The following SDK1 variants were observed in gnomAD, a reference collection of about 807,000 sequenced individuals.
SDK1 encodes protein sidekick-1.
In SDK1, 157 loss-of-function variants were observed where a neutral mutation model predicts 245.5. The ratio of observed to expected loss-of-function variants is 0.64; its 90% CI spans 0.56 to 0.73. SDK1 has a LOEUF of 0.73. Ranked by LOEUF, SDK1 falls within the 30% of genes least tolerant of loss-of-function variation. The pLI is 0.00. For missense variants in SDK1, 3,583 were observed against 3,002.3 expected (o/e 1.19, Z -4.52); for synonymous variants, 1,647 against 1,278.5 (o/e 1.29, Z -6.15).
At chr7:3,804,396 C>T (rs1040413374) in intron 4 of SDK1, among the ~76,000 whole-genome samples, 1 of 152,110 alleles carries the variant, frequency 6.6e-6, no homozygotes, top group Non-Finnish European at 1.5e-5. Flanking sequence ...TCTTTTGGCC[C>T]TACTGTTACG....
chr7:3,419,463 C>A (rs372940843), intron 1 of SDK1, among the ~76,000 whole-genome samples: 2 of 152,312 alleles, frequency 1.3e-5, no homozygotes, highest in African/African-American at 4.8e-5. Flanking sequence ...CTCGGGGAAA[C>A]ATCAGCACAG....
intron 5 of SDK1, among the ~76,000 whole-genome samples, chr7:3,858,377 C>G (rs941746322): frequency 1.9e-4 from 29 of 151,936 alleles, no homozygotes; most frequent in African/African-American, 6.8e-4. Flanking sequence ...CATAGTGAGA[C>G]CCCATCTCAA....
intron 32 of SDK1, among the ~76,000 whole-genome samples, chr7:4,171,095 G>T (rs1781810940): frequency 6.6e-6 from 1 of 152,176 alleles, no homozygotes; most frequent in Admixed American, 6.5e-5. Context: ...TTCCTGGCAA[G>T]TTGAGTAGTG....
chr7:4,134,283 T>C (rs1778899401), intron 28 of SDK1, among the ~76,000 whole-genome samples: 2 of 152,226 alleles, frequency 1.3e-5, no homozygotes, highest in Non-Finnish European at 2.9e-5. Context: ...ACCTTTGGAA[T>C]TGCGGGTTCC....
At chr7:4,008,227 T>G (rs1785647135) in intron 14 of SDK1, among the ~76,000 whole-genome samples, 1 of 152,234 alleles carries the variant, frequency 6.6e-6, no homozygotes, top group African/African-American at 2.4e-5. Context: ...ATTTCCTTCC[T>G]TTAAGAAGCT....
At chr7:3,955,768 TG>T (rs1217735566) in intron 7 of SDK1, among the ~76,000 whole-genome samples, 1 of 152,138 alleles carries the variant, frequency 6.6e-6, no homozygotes, top group Non-Finnish European at 1.5e-5. Flanking sequence ...ATGGTGTTGT[TG>T]GGGGGTCCTT....
intron 1 of SDK1, among the ~76,000 whole-genome samples, chr7:3,552,200 G>T (rs1779440604): frequency 6.6e-6 from 1 of 152,024 alleles, no homozygotes. Flanking sequence ...ACCAAGCCTG[G>T]CTAATTTTTT....
intron 32 of SDK1, among the ~76,000 whole-genome samples, chr7:4,171,115 C>T (rs1012522495): frequency 6.6e-6 from 1 of 152,146 alleles, no homozygotes; most frequent in African/African-American, 2.4e-5. Flanking sequence ...GCTGGGAACT[C>T]CTTGAGCCGG....
intron 1 of SDK1, among the ~76,000 whole-genome samples, chr7:3,495,865 C>G (rs766981608): frequency 6.6e-6 from 1 of 152,204 alleles, no homozygotes; most frequent in African/African-American, 2.4e-5. Context: ...AAGAGAGATG[C>G]CAGCGGTCTC....
intron 1 of SDK1, among the ~76,000 whole-genome samples, chr7:3,526,512 A>G (rs1396122340): frequency 6.6e-6 from 1 of 152,174 alleles, no homozygotes; most frequent in Non-Finnish European, 1.5e-5. Context: ...TATATATCTT[A>G]TGTGTGAGTG....
chr7:3,324,505 G>A (rs1779894598), intron 1 of SDK1, among the ~76,000 whole-genome samples: 2 of 152,126 alleles, frequency 1.3e-5, no homozygotes, highest in Non-Finnish European at 2.9e-5. Flanking sequence ...AGAATAGGAG[G>A]TGGCTCTTGG....
At chr7:3,530,105 C>T (rs896401589) in intron 1 of SDK1, among the ~76,000 whole-genome samples, 6 of 151,844 alleles carry the variant, frequency 4.0e-5, no homozygotes, top group African/African-American at 1.5e-4. Context: ...AAATTATGTC[C>T]CTAAACCTAG....
chr7:3,459,692 G>T (rs939515339), intron 1 of SDK1, among the ~76,000 whole-genome samples: 2 of 152,182 alleles, frequency 1.3e-5, no homozygotes, highest in Non-Finnish European at 2.9e-5. Flanking sequence ...TTGTTGGGAA[G>T]ACCTTGGTCA....
chr7:4,005,039 C>CTTTTT (rs1162979240), intron 14 of SDK1, among the ~76,000 whole-genome samples: 1,121 of 90,972 alleles, frequency 0.012, 55 homozygotes, highest in African/African-American at 0.035. Context: ...GTTCCTGCAC[C>CTTTTT]TTTTTTTTTT....
intron 5 of SDK1, among the ~76,000 whole-genome samples, chr7:3,889,846 A>C (rs1408787549): frequency 6.6e-6 from 1 of 152,124 alleles, no homozygotes; most frequent in African/African-American, 2.4e-5. Flanking sequence ...TGTGTTTCAG[A>C]GGTAACTAGT....
chr7:4,145,049 T>C, intron 28 of SDK1, among the ~76,000 whole-genome samples: 1 of 152,140 alleles, frequency 6.6e-6, no homozygotes, highest in South Asian at 2.1e-4. Flanking sequence ...AAGGAACGTC[T>C]GGTCAACCCC....
At chr7:3,912,251 A>G (rs1251157012) in intron 5 of SDK1, among the ~76,000 whole-genome samples, 2 of 152,188 alleles carry the variant, frequency 1.3e-5, no homozygotes, top group Admixed American at 6.5e-5. Context: ...TTCTTAGGCT[A>G]TAGGAGGAGG....
intron 14 of SDK1, among the ~76,000 whole-genome samples, chr7:3,991,436 C>G (rs979716979): frequency 2.6e-5 from 4 of 152,110 alleles, no homozygotes; most frequent in Non-Finnish European, 5.9e-5. Flanking sequence ...TGCGCACCTG[C>G]GACGTAACTC....
At chr7:3,332,356 C>G (rs1195127662) in intron 1 of SDK1, among the ~76,000 whole-genome samples, 1 of 152,114 alleles carries the variant, frequency 6.6e-6, no homozygotes, top group East Asian at 1.9e-4. Flanking sequence ...CAGTTGTTCT[C>G]CCCTTATTCC....
Sources: allele counts gnomAD v4.1 joint callset (sites outside exome capture counted in the v4.1 genomes callset), GRCh38; gene constraint gnomAD v4.1.1; transcripts MANE v1.5; gene names NCBI Gene and HGNC (gene_info 2026-07-23, HGNC 2026-07-21).